KCNH7: variants seen among roughly 807,000 people sequenced by gnomAD.
KCNH7 encodes potassium voltage-gated channel subfamily H member 7.
KCNH7 carries 49 observed loss-of-function variants against 120.8 expected under a neutral mutation model. That is an observed-to-expected ratio of 0.41 (90% confidence interval 0.32 to 0.51). The LOEUF (loss-of-function observed/expected upper bound fraction) is 0.51. Among genes scored for constraint, KCNH7 ranks in the 20% least tolerant of loss-of-function variants. KCNH7 has a pLI of 0.38. For synonymous variants in KCNH7, 547 were observed against 516.1 expected (o/e 1.06, Z -0.81); for missense variants, 1,097 against 1,446.6 (o/e 0.76, Z 3.92).
At chr2:162,816,845 T>A (rs542875777) in intron 2 of KCNH7, among the ~76,000 whole-genome samples, 8 of 152,262 alleles carry the variant, frequency 5.3e-5, no homozygotes, top group African/African-American at 1.7e-4. Flanking sequence ...TATCTTTCAA[T>A]GTTGAAAATT....
In KCNH7 at chr2:162,612,865, G is replaced by C. The variant is rs573951597; in HGVS notation, c.308-75785C>G. ...ATCCACTGGAAACCTTAACTTACAG[G>C]CTGCAACAGTCTCCAGCTGAAAGGA... is the stretch of plus-strand genomic sequence containing the variant. On this transcript the variant is annotated intron_variant, in intron 2 of 15. Coordinates refer to ENST00000332142, the MANE Select transcript of KCNH7 (RefSeq NM_033272.4). 1.9e-3 allele frequency among the ~76,000 whole-genome samples: 282 copies of C among 151,846 alleles called. 2 individuals are homozygous for C. Among genetic ancestry groups the C allele is most frequent in the African/African-American group, 6.1e-3 (251 of 41,478 alleles).
At position 162,578,486 on chromosome 2, in the gene KCNH7, T is replaced by C. The variant is rs1255707064; in HGVS notation, c.308-41406A>G. ...GTGACACGGCCAAGGCTTCTGACCC[T>C]AAGCTTTGGGCTCACTGTTCTATGA... On this transcript the variant is annotated intron_variant, in intron 2 of 15. Coordinates refer to ENST00000332142, the MANE Select transcript of KCNH7 (RefSeq NM_033272.4). 7.2e-5 allele frequency among the ~76,000 whole-genome samples: 11 copies of C among 151,996 alleles called. No homozygotes were observed. In the East Asian group the frequency reaches 2.1e-3, roughly 29 times the overall value.
chr2:162,800,873 T>C (rs1369762625), intron 2 of KCNH7, among the ~76,000 whole-genome samples: 2 of 151,842 alleles, frequency 1.3e-5, no homozygotes, highest in Non-Finnish European at 2.9e-5. Context: ...ATCCTATTTG[T>C]TTCATAGTTT....
chr2:162,728,504 C>T (rs758191681), intron 2 of KCNH7, among the ~76,000 whole-genome samples: 11 of 152,106 alleles, frequency 7.2e-5, no homozygotes, highest in Non-Finnish European at 1.3e-4. Flanking sequence ...TGAGGCCAGG[C>T]GCGGTGGCTC....
intron 2 of KCNH7, among the ~76,000 whole-genome samples, chr2:162,640,188 T>G (rs1174604837): frequency 6.6e-6 from 1 of 152,148 alleles, no homozygotes; most frequent in African/African-American, 2.4e-5. Flanking sequence ...TATGTAGACA[T>G]AGACAATATT....
intron 2 of KCNH7, among the ~76,000 whole-genome samples, chr2:162,691,442 G>A (rs1019329042): frequency 2.6e-5 from 4 of 152,116 alleles, no homozygotes; most frequent in African/African-American, 9.7e-5. Flanking sequence ...ACATTGTTCA[G>A]CAGGTAGGGT....
At chr2:162,722,493 A>C (rs376455120) in intron 2 of KCNH7, among the ~76,000 whole-genome samples, 1 of 152,070 alleles carries the variant, frequency 6.6e-6, no homozygotes, top group African/African-American at 2.4e-5. Flanking sequence ...GGATGTCTTA[A>C]TATGTGACAA....
intron 2 of KCNH7, among the ~76,000 whole-genome samples, chr2:162,791,514 G>C (rs1012213667): frequency 6.6e-6 from 1 of 151,958 alleles, no homozygotes; most frequent in African/African-American, 2.4e-5. Flanking sequence ...CTACTTATCT[G>C]TATTCCTAGT....
At position 162,512,275 on chromosome 2, in the gene KCNH7, C is replaced by T. The variant is rs112068967; in HGVS notation, c.913+379G>A. ...CAAGTGAAGTGATGCTGTCATGTAG[C>T]ACTTTGCTTATTTTATTTAATCTTG... On this transcript the variant is annotated intron_variant, in intron 5 of 15. Coordinates refer to ENST00000332142, the MANE Select transcript of KCNH7 (RefSeq NM_033272.4). Among the ~76,000 whole-genome samples, 11 of 151,884 alleles carry T rather than the reference C, an allele frequency of 7.2e-5. 1 individual carries two copies. The highest frequency in any genetic ancestry group is 2.2e-4 in the African/African-American group (9 of 41,488).
At position 162,575,483 on chromosome 2, in the gene KCNH7, C is replaced by T. The variant is rs150358798; in HGVS notation, c.308-38403G>A. Among the ~76,000 whole-genome samples, 461 of 152,196 alleles carry T rather than the reference C, an allele frequency of 3.0e-3. 2 individuals carry two copies. The highest frequency in any genetic ancestry group is 0.011 in the African/African-American group (439 of 41,544). ...CCTGCCTGCCGCAATTCCTGACACT[C>T]TGCTATGCTGCCAGTTGAGTCACCC... On this transcript the variant is annotated intron_variant, in intron 2 of 15. Coordinates refer to ENST00000332142, the MANE Select transcript of KCNH7 (RefSeq NM_033272.4).
chr2:162,425,901 A>C (rs529056714), intron 8 of KCNH7, among the ~76,000 whole-genome samples: 13 of 152,272 alleles, frequency 8.5e-5, no homozygotes, highest in African/African-American at 3.1e-4. Context: ...GATTATAAGT[A>C]CATAGTTGAA....
intron 2 of KCNH7, among the ~76,000 whole-genome samples, chr2:162,567,349 A>G (rs1349786027): frequency 3.9e-5 from 6 of 151,948 alleles, no homozygotes; most frequent in Admixed American, 3.9e-4. Flanking sequence ...CCATTTGGTG[A>G]GGCTAACAAG....
At chr2:162,756,002 A>T (rs1358933263) in intron 2 of KCNH7, among the ~76,000 whole-genome samples, 2 of 152,166 alleles carry the variant, frequency 1.3e-5, no homozygotes, top group African/African-American at 4.8e-5. Context: ...GAAACAAGTG[A>T]TATTTTTAAT....
chr2:162,536,620 C>T (rs1361988641), intron 3 of KCNH7, among the ~76,000 whole-genome samples: 2 of 151,942 alleles, frequency 1.3e-5, no homozygotes, highest in African/African-American at 4.8e-5. Context: ...TATGAAAATA[C>T]ATAAGCAGAA....
At chr2:162,805,700 A>T (rs566341987) in intron 2 of KCNH7, among the ~76,000 whole-genome samples, 1 of 152,276 alleles carries the variant, frequency 6.6e-6, no homozygotes, top group Admixed American at 6.5e-5. Flanking sequence ...CTAAAAGTAG[A>T]TTTACCATTC....
intron 2 of KCNH7, among the ~76,000 whole-genome samples, chr2:162,688,704 T>C (rs1685989141): frequency 6.6e-6 from 1 of 151,942 alleles, no homozygotes; most frequent in Admixed American, 6.6e-5. Flanking sequence ...GTGTTATCTC[T>C]TTAAGAATAA....
intron 2 of KCNH7, among the ~76,000 whole-genome samples, chr2:162,742,662 T>G (rs986253241): frequency 1.3e-5 from 2 of 152,194 alleles, no homozygotes; most frequent in African/African-American, 4.8e-5. Flanking sequence ...TATTTTCACT[T>G]TAGGCCTTAT....
chr2:162,798,334 A>C (rs1443626452), intron 2 of KCNH7, among the ~76,000 whole-genome samples: 1 of 152,066 alleles, frequency 6.6e-6, no homozygotes, highest in East Asian at 1.9e-4. Flanking sequence ...TTTTGAAAAA[A>C]ATTCATATAA....
At chr2:162,533,810 A>G (rs543192588) in intron 3 of KCNH7, among the ~76,000 whole-genome samples, 1 of 151,804 alleles carries the variant, frequency 6.6e-6, no homozygotes, top group South Asian at 2.1e-4. Context: ...ACAGCATAAT[A>G]ATAAGGCAGA....
Sources: allele counts gnomAD v4.1 joint callset (sites outside exome capture counted in the v4.1 genomes callset), GRCh38; gene constraint gnomAD v4.1.1; transcripts MANE v1.5; gene names NCBI Gene and HGNC (gene_info 2026-07-23, HGNC 2026-07-21).